The following PCDHGA4 variants were observed in gnomAD, a reference collection of about 807,000 sequenced individuals.
PCDHGA4 encodes protocadherin gamma subfamily A, 4.
A neutral mutation model predicts 54.6 loss-of-function variants in PCDHGA4; 38 were observed. That is an observed-to-expected ratio of 0.70 (90% CI 0.54 to 0.91). The LOEUF (loss-of-function observed/expected upper bound fraction) is 0.91, where lower values mean the gene tolerates loss of function less well. Ranked by LOEUF, PCDHGA4 falls within the 40% of genes least tolerant of loss-of-function variation. The pLI is 0.00. For synonymous variants in PCDHGA4, 511 were observed against 512.9 expected, an observed-to-expected ratio of 1.00 and a Z score of 0.05; for missense variants, 1,298 against 1,220.9, an observed-to-expected ratio of 1.06 and a Z score of -0.94.
chr5:141,400,168 C>G, intron 1 of PCDHGA4: 1 of 1,614,088 alleles, frequency 6.2e-7, no homozygotes, highest in South Asian at 1.1e-5. Context: ...CTCTGACCCC[C>G]AGGCTGAGCT....
At chr5:141,357,689 A>C in intron 1 of PCDHGA4, 68 bp downstream of exon 1, 1 of 1,561,198 alleles carries the variant, frequency 6.4e-7, no homozygotes, top group Non-Finnish European at 8.7e-7. Context: ...AATGTCTCTC[A>C]TTTTATATGT....
At position 141,357,102 on chromosome 5, in the gene PCDHGA4, C is replaced by G. The variant is rs550336095; in HGVS notation, c.1995C>G (p.Asp665Glu). The G allele has an allele frequency of 6.2e-7, 1 of 1,613,864 alleles. No individual in the cohort carries two copies. The highest frequency in any genetic ancestry group is 8.5e-7 in the Non-Finnish European group (1 of 1,179,944). ...GEVRTARALLDRDALKQRLVV... is the reference protein window; with the variant it reads ...GEVRTARALLERDALKQRLVV... The stretch of plus-strand genomic sequence containing the variant: ...TGCGCACCGCACGGGCCCTGCTGGA[C>G]AGAGACGCGCTCAAGCAGAGGCTTG... Residue 665 changes from aspartate to glutamate, a missense_variant, in exon 1 of 4, where the codon GAC becomes GAG. By Grantham distance (45) the Asp-to-Glu change is conservative. Coordinates refer to ENST00000571252, the MANE Select transcript of PCDHGA4 (RefSeq NM_018917.4).
chr5:141,416,224 T>G (rs2096006627), intron 1 of PCDHGA4: 1 of 152,382 alleles, frequency 6.6e-6, no homozygotes, highest in Admixed American at 6.5e-5. Context: ...TATGCTTAGA[T>G]TTTTCCAGCC....
At chr5:141,414,290 T>C (rs781378958) in intron 1 of PCDHGA4, 1 of 1,613,272 alleles carries the variant, frequency 6.2e-7, no homozygotes, top group Admixed American at 1.7e-5. Context: ...GTCGTAGCCC[T>C]TTTAAATGTG....
Position 141,364,375 on chromosome 5 carries a change from G to A in PCDHGA4, c.2514+6754G>A, listed in dbSNP as rs749245484. On this transcript the variant is annotated intron_variant, in intron 1 of 3. Transcript: ENST00000571252. The stretch of plus-strand genomic sequence containing the variant: ...GCTGGGGCTGCGGAGAGCTGCTGCT[G>A]CCCTTCATGCTCCTGGGGACGCTGT... 1.9e-6 allele frequency: 3 copies of A among 1,574,886 alleles called. No individual in the cohort carries two copies. In the East Asian group the frequency reaches 6.7e-5, roughly 35 times the overall value.
Position 141,431,592 on chromosome 5 carries a change from G to A in PCDHGA4, c.2515-63215G>A, listed in dbSNP as rs1429358254. 2.5e-6 allele frequency: 4 copies of A among 1,614,100 alleles called. No individual in the cohort carries two copies. The Admixed American group carries it at 6.7e-5, about 27-fold the overall frequency. The stretch of plus-strand genomic sequence containing the variant: ...GACGAAGGAGTCAATGCGGAAGTGA[G>A]GTATTCCTTCCGGTATGTGGACGAC... On this transcript the variant is annotated intron_variant, in intron 1 of 3. Transcript: ENST00000571252. The surrounding 1 kb of genome is among the most constrained non-coding windows in gnomAD (Gnocchi z 4.8).
intron 1 of PCDHGA4, chr5:141,376,411 C>CTTAGTT: frequency 1.9e-6 from 3 of 1,614,182 alleles, no homozygotes; most frequent in Non-Finnish European, 2.5e-6. Context: ...CCAACTATGC[C>CTTAGTT]GACACGCTTA....
chr5:141,496,234 T>C (rs2154591884), intron 2 of PCDHGA4, among the ~76,000 whole-genome samples: 1 of 152,232 alleles, frequency 6.6e-6, no homozygotes, highest in Middle Eastern at 3.4e-3. Context: ...AGGAACCCCC[T>C]GCGGGCTGAA....
intron 1 of PCDHGA4, chr5:141,478,312 C>T (rs768312280): frequency 8.1e-6 from 13 of 1,614,002 alleles, no homozygotes; most frequent in East Asian, 2.2e-5. Flanking sequence ...CCCCGGTGAG[C>T]TCACTGTACC....
chr5:141,419,776 C>A (rs965350189), intron 1 of PCDHGA4: 3 of 1,613,908 alleles, frequency 1.9e-6, no homozygotes, highest in African/African-American at 2.7e-5. Flanking sequence ...ACTCGGTCCG[C>A]CAGCGCCTGC....
chr5:141,395,380 T>A, intron 1 of PCDHGA4: 2 of 1,112,040 alleles, frequency 1.8e-6, no homozygotes, highest in Non-Finnish European at 2.5e-6. Flanking sequence ...GTGGTGTTAC[T>A]ATAAAATTGA....
At chr5:141,388,390 A>C (rs202036029) in intron 1 of PCDHGA4, 182 of 1,613,912 alleles carry the variant, frequency 1.1e-4, no homozygotes, top group Non-Finnish European at 1.4e-4. Context: ...ACACTGCAGA[A>C]TTACCAACTC....
At chr5:141,421,504 C>G (rs757410882) in intron 1 of PCDHGA4, 1 of 1,614,062 alleles carries the variant, frequency 6.2e-7, no homozygotes, top group South Asian at 1.1e-5. Flanking sequence ...CAGGATAGAC[C>G]GGGAGGAGCT....
At chr5:141,410,469 T>C in intron 1 of PCDHGA4, 1 of 1,614,026 alleles carries the variant, frequency 6.2e-7, no homozygotes, top group Non-Finnish European at 8.5e-7. Context: ...AATCTGTGCA[T>C]TGCACATACG....
intron 1 of PCDHGA4, among the ~76,000 whole-genome samples, chr5:141,453,510 T>C (rs11958830): frequency 0.2 from 30,607 of 152,026 alleles, 3,435 homozygotes; most frequent in African/African-American, 0.31. Flanking sequence ...AAAATTGTCA[T>C]TCCTCCCCTA....
Position 141,486,146 on chromosome 5 carries a change from G to A in PCDHGA4, c.2515-8661G>A, listed in dbSNP as rs533158692. The A allele has an allele frequency of 3.1e-6, 5 of 1,614,184 alleles. No homozygotes were observed. The highest frequency in any genetic ancestry group is 2.2e-5 in the East Asian group (1 of 44,876). The stretch of plus-strand genomic sequence containing the variant: ...TGAATTTGATGTGCGGGCTCGCGAT[G>A]GGGGTTCTCCAGCCATGGAGCAACA... On this transcript the variant is annotated intron_variant, in intron 1 of 3. Transcript: ENST00000571252. The surrounding 1 kb of genome is among the most constrained non-coding windows in gnomAD (Gnocchi z 5.0).
rs774487660 is a variant in PCDHGA4, at chr5:141,404,806, G to C, written c.2514+47185G>C. 6 of 1,613,874 alleles carry C rather than the reference G, an allele frequency of 3.7e-6. No individual in the cohort carries two copies. In the South Asian group the frequency reaches 5.5e-5, roughly 15 times the overall value. On this transcript the variant is annotated intron_variant, in intron 1 of 3. Transcript: ENST00000571252. ...AGGCCAGTGAGCCAGGGCTCTTCTCGGTGGGGCTGCACACAGGTGAAGTGC... is the reference window on the plus strand; with the variant it reads ...AGGCCAGTGAGCCAGGGCTCTTCTCCGTGGGGCTGCACACAGGTGAAGTGC...
Position 141,431,435 on chromosome 5 carries a change from G to T in PCDHGA4, c.2515-63372G>T. On this transcript the variant is annotated intron_variant, in intron 1 of 3. Coordinates refer to ENST00000571252, the MANE Select transcript of PCDHGA4 (RefSeq NM_018917.4). This position sits in a 1 kb window ranked among gnomAD's most constrained non-coding sequence, Gnocchi z 4.8. The stretch of plus-strand genomic sequence containing the variant: ...GGGCGACCCGGTGCGCACAGGCACC[G>T]CGCGCATCCGCGTGATGGTTCTGGA... The T allele has an allele frequency of 6.2e-7, 1 of 1,613,668 alleles. No individual in the cohort carries two copies. Among genetic ancestry groups the T allele is most frequent in the Non-Finnish European group, 8.5e-7 (1 of 1,180,026 alleles).
chr5:141,489,191 T>C lies in PCDHGA4; in HGVS notation c.2515-5616T>C. On this transcript the variant is annotated intron_variant, in intron 1 of 3. Coordinates refer to ENST00000571252, the MANE Select transcript of PCDHGA4 (RefSeq NM_018917.4). The surrounding 1 kb of genome is among the most constrained non-coding windows in gnomAD (Gnocchi z 4.5). ...CTGCATTCCAAGCCCTGGGTCTACC[T>C]TGGAGACAGGACAGCACAGACTTAC... The C allele has an allele frequency of 7.3e-7, 1 of 1,364,400 alleles. No homozygotes were observed. Among genetic ancestry groups the C allele is most frequent in the Middle Eastern group, 1.9e-4 (1 of 5,334 alleles). The allele number at this position is 1,364,400 out of a possible 1,614,324, so 84.5% of individuals were successfully genotyped here. A position where few individuals can be genotyped will look rare whatever the true frequency, so the allele number is the denominator to read the frequency against.
Sources: allele counts gnomAD v4.1 joint callset (sites outside exome capture counted in the v4.1 genomes callset), GRCh38; gene constraint gnomAD v4.1.1; non-coding constraint Gnocchi (gnomAD v3.1); transcripts MANE v1.5; gene names NCBI Gene and HGNC (gene_info 2026-07-23, HGNC 2026-07-21).